The following RNLS variants were observed in gnomAD, a reference collection of about 807,000 sequenced individuals.
The protein encoded by RNLS is renalase.
Under a neutral mutation model 39.8 loss-of-function variants are expected in RNLS, and 39 were observed. The observed-to-expected ratio is 0.98, with a 90% CI of 0.76 to 1.28. RNLS has a LOEUF of 1.28. Ranked by LOEUF, RNLS falls within the 50% of genes most tolerant of loss-of-function variation. The pLI is 0.00. For missense variants in RNLS, 410 were observed against 413.3 expected, an observed-to-expected ratio of 0.99 and a Z score of 0.07; for synonymous variants, 147 against 150.7, an observed-to-expected ratio of 0.98 and a Z score of 0.18.
At chr10:88,242,584 TACA>T in the RNLS span, among the ~76,000 whole-genome samples, 1 of 152,206 alleles carries the variant, frequency 6.6e-6, no homozygotes, top group Non-Finnish European at 1.5e-5. Context: ...ACTTAAACTT[TACA>T]ACAACCAACC....
Position 88,284,123 on chromosome 10 carries a change from A to C in RNLS, c.*1231T>G, listed in dbSNP as rs964475998. 3.0e-6 allele frequency: 3 copies of C among 984,774 alleles called. No individual in the cohort carries two copies. Among genetic ancestry groups the C allele is most frequent in the Non-Finnish European group, 3.6e-6 (3 of 829,496 alleles). 61.0% of individuals were successfully genotyped at this position (984,774 alleles called of 1,614,324 possible). The stretch of plus-strand genomic sequence containing the variant: ...CATGTTGGCATTTAAGTTTTTCACC[A>C]ATTTATTGCTAAGAGGAAACATATA... On this transcript the variant is annotated 3_prime_UTR_variant, in exon 7 of 7. Coordinates refer to ENST00000331772, the MANE Select transcript of RNLS (RefSeq NM_001031709.3).
chr10:88,273,972 T>G (rs1421823883), exon 7 of RNLS: 1 of 152,230 alleles, frequency 6.6e-6, no homozygotes, highest in East Asian at 1.9e-4. Flanking sequence ...CACATTTTGA[T>G]TACTCATGAG....
intron 4 of RNLS, among the ~76,000 whole-genome samples, chr10:88,572,507 G>C (rs1024884177): frequency 2.6e-5 from 4 of 152,222 alleles, no homozygotes; most frequent in African/African-American, 9.6e-5. Context: ...GCCTCAGACA[G>C]AAGTAAACAC....
chr10:88,329,122 C>T (rs1027369033), intron 5 of RNLS, among the ~76,000 whole-genome samples: 1 of 150,078 alleles, frequency 6.7e-6, no homozygotes, highest in Non-Finnish European at 1.5e-5. Context: ...GTTTGAAGTA[C>T]AGTGGTGCAA....
At chr10:88,199,827 A>G in the RNLS span, among the ~76,000 whole-genome samples, 1 of 152,222 alleles carries the variant, frequency 6.6e-6, no homozygotes, top group Admixed American at 6.5e-5. Flanking sequence ...TTAAGTTGAC[A>G]TATTTAAAAT....
chr10:88,268,802 G>T, the RNLS span, among the ~76,000 whole-genome samples: 1 of 152,202 alleles, frequency 6.6e-6, no homozygotes, highest in Non-Finnish European at 1.5e-5. Flanking sequence ...GGAAACTCTT[G>T]CAATGTTCTG....
At chr10:88,184,356 G>A in the RNLS span, among the ~76,000 whole-genome samples, 1 of 152,198 alleles carries the variant, frequency 6.6e-6, no homozygotes, top group Non-Finnish European at 1.5e-5. Context: ...CAGTCATGTA[G>A]CTTTTTGAGT....
chr10:88,229,120 A>G, the RNLS span, among the ~76,000 whole-genome samples: 2 of 152,222 alleles, frequency 1.3e-5, no homozygotes, highest in African/African-American at 4.8e-5. Flanking sequence ...TAAATTCATA[A>G]ATTCATAAGG....
At chr10:88,232,682 A>G in the RNLS span, among the ~76,000 whole-genome samples, 1 of 152,254 alleles carries the variant, frequency 6.6e-6, no homozygotes, top group African/African-American at 2.4e-5. Flanking sequence ...TAAGGTGGCC[A>G]GTCTGCCAGC....
At chr10:88,505,854 G>A (rs1041497100) in intron 4 of RNLS, among the ~76,000 whole-genome samples, 16 of 152,118 alleles carry the variant, frequency 1.1e-4, no homozygotes, top group Admixed American at 7.9e-4. Flanking sequence ...ATGCAATAAG[G>A]AATGCACATG....
chr10:88,475,046 C>T (rs1308687216), intron 4 of RNLS, among the ~76,000 whole-genome samples: 3 of 152,004 alleles, frequency 2.0e-5, no homozygotes, highest in South Asian at 2.1e-4. Context: ...TAGACACTGG[C>T]GAAACTGAGG....
chr10:88,398,260 T>TG (rs1852689125), intron 4 of RNLS, among the ~76,000 whole-genome samples: 1 of 152,010 alleles, frequency 6.6e-6, no homozygotes, highest in African/African-American at 2.4e-5. Flanking sequence ...GTAATTTTTG[T>TG]GAAAGGAATA....
intron 5 of RNLS, among the ~76,000 whole-genome samples, chr10:88,339,519 C>CT (rs1258676798): frequency 6.6e-6 from 1 of 152,106 alleles, no homozygotes; most frequent in African/African-American, 2.4e-5. Flanking sequence ...TTTCTCTAAA[C>CT]TTTAGTTTTC....
chr10:88,205,468 A>T, the RNLS span, among the ~76,000 whole-genome samples: 1 of 152,156 alleles, frequency 6.6e-6, no homozygotes, highest in Non-Finnish European at 1.5e-5. Context: ...TGCTAGGAAC[A>T]TTATTCCTTA....
At chr10:88,388,148 T>C (rs932943699) in intron 4 of RNLS, among the ~76,000 whole-genome samples, 1 of 152,202 alleles carries the variant, frequency 6.6e-6, no homozygotes, top group African/African-American at 2.4e-5. Context: ...ATTCACCCAG[T>C]TGCTCAAGCT....
intron 4 of RNLS, among the ~76,000 whole-genome samples, chr10:88,567,949 C>T (rs1377639214): frequency 6.6e-6 from 1 of 152,168 alleles, no homozygotes; most frequent in Non-Finnish European, 1.5e-5. Context: ...TCAAAAGCTA[C>T]AGGCATATCA....
At chr10:88,515,789 G>C (rs1254566795) in intron 4 of RNLS, among the ~76,000 whole-genome samples, 2 of 152,022 alleles carry the variant, frequency 1.3e-5, no homozygotes, top group African/African-American at 4.8e-5. Context: ...GAGAGAGTGG[G>C]AGTGAAACAT....
At chr10:88,569,064 G>A (rs976898753) in intron 4 of RNLS, among the ~76,000 whole-genome samples, 1 of 152,150 alleles carries the variant, frequency 6.6e-6, no homozygotes, top group African/African-American at 2.4e-5. Flanking sequence ...ATCCACTAGA[G>A]ACAGGGTGAA....
At chr10:88,381,300 A>G (rs1204998064) in intron 4 of RNLS, among the ~76,000 whole-genome samples, 1 of 152,102 alleles carries the variant, frequency 6.6e-6, no homozygotes, top group Non-Finnish European at 1.5e-5. Flanking sequence ...CATTTTGTAG[A>G]TCCTTTAGCA....
Sources: allele counts gnomAD v4.1 joint callset (sites outside exome capture counted in the v4.1 genomes callset), GRCh38; gene constraint gnomAD v4.1.1; transcripts MANE v1.5; gene names NCBI Gene and HGNC (gene_info 2026-07-23, HGNC 2026-07-21).